ZNF638: variants seen among roughly 807,000 people sequenced by gnomAD.
The protein encoded by ZNF638 is CTCL tumor antigen se33-1.
ZNF638 carries 46 observed loss-of-function variants against 195.6 expected under a neutral mutation model. The observed-to-expected ratio is 0.24, with a 90% CI of 0.19 to 0.30. ZNF638 has a LOEUF of 0.30. Ranked by LOEUF, ZNF638 falls within the 10% of genes least tolerant of loss-of-function variation. The pLI is 1.00. For missense variants in ZNF638, 2,440 were observed against 2,325.3 expected, an observed-to-expected ratio of 1.05 and a Z score of -1.01; for synonymous variants, 845 against 772.0, an observed-to-expected ratio of 1.09 and a Z score of -1.57.
At position 71,383,762 on chromosome 2, in the gene ZNF638, C is replaced by CTTTTTTTTTTT. The variant is rs1181570876; in HGVS notation, c.2377+3206_2377+3216dup. Among the ~76,000 whole-genome samples, 410 of 76,694 alleles carry CTTTTTTTTTTT rather than the reference C, an allele frequency of 5.3e-3. 12 individuals are homozygous for CTTTTTTTTTTT. Among genetic ancestry groups the CTTTTTTTTTTT allele is most frequent in the African/African-American group, 0.01 (200 of 19,346 alleles). The allele number at this position is 76,694 out of a possible 152,430, so 50.3% of individuals were successfully genotyped here. A position where few individuals can be genotyped will look rare whatever the true frequency, so the allele number is the denominator to read the frequency against. On this transcript the variant is annotated intron_variant, in intron 10 of 27. Coordinates refer to ENST00000264447, the MANE Select transcript of ZNF638 (RefSeq NM_014497.5). ...AATTTTTCTTTTTTTTTTTCTTTTTCTTTTTTTTTTTTTTTTTTTAGTAGA... is the reference window on the plus strand; with the variant it reads ...AATTTTTCTTTTTTTTTTTCTTTTTCTTTTTTTTTTTTTTTTTTTTTTTTTTTTTTAGTAGA...
intron 1 of ZNF638, among the ~76,000 whole-genome samples, chr2:71,343,098 C>T (rs1444103624): frequency 5.3e-5 from 8 of 152,134 alleles, no homozygotes; most frequent in Non-Finnish European, 8.8e-5. Flanking sequence ...TGCCATCCTA[C>T]AAAACTCAAT....
rs374149646 is a variant in ZNF638, at chr2:71,404,620, G to A, written c.2958+622G>A. Reference sequence around the variant, plus strand: ...TGGTCCCAGCTCCTCAGGATGCTGAGGTAGGAGGATCCCTTGAGCCTAGGA... The same window carrying A: ...TGGTCCCAGCTCCTCAGGATGCTGAAGTAGGAGGATCCCTTGAGCCTAGGA... On this transcript the variant is annotated intron_variant, in intron 17 of 27. Transcript: ENST00000264447. Among the ~76,000 whole-genome samples, 6 of 152,172 alleles carry A rather than the reference G, an allele frequency of 3.9e-5. No homozygotes were observed. In the South Asian group the frequency reaches 8.3e-4, roughly 21 times the overall value.
intron 8 of ZNF638, 119 bp downstream of exon 8, chr2:71,370,124 A>G: frequency 9.3e-7 from 1 of 1,071,866 alleles, no homozygotes. Flanking sequence ...TCAACACATT[A>G]TATGTGCATT....
chr2:71,431,213 G>A (rs1405262079), intron 25 of ZNF638, 114 bp from the exon 26 acceptor site: 2 of 790,940 alleles, frequency 2.5e-6, no homozygotes, highest in South Asian at 1.8e-5. Flanking sequence ...GGCCAGATGG[G>A]ATTAACAAAG....
chr2:71,348,340 A>T (rs17006895), intron 1 of ZNF638: 186,590 of 910,934 alleles, frequency 0.2, 22,276 homozygotes, highest in African/African-American at 0.5. Flanking sequence ...TACAGTTCTT[A>T]CTTTCATTAT....
chr2:71,400,016 C>T (rs2079974502), intron 13 of ZNF638, 96 bp from the exon 14 acceptor site: 1 of 1,014,788 alleles, frequency 9.9e-7, no homozygotes, highest in African/African-American at 1.6e-5. Context: ...CCTAAGGAGA[C>T]TTGAAATGTC....
chr2:71,406,510 G>A (rs958107580), intron 19 of ZNF638, among the ~76,000 whole-genome samples: 8 of 146,452 alleles, frequency 5.5e-5, no homozygotes, highest in African/African-American at 2.0e-4. Context: ...GTAATATAGT[G>A]TAGACAGCAT....
At position 71,388,339 on chromosome 2, in the gene ZNF638, T is replaced by C. The variant is rs954232909; in HGVS notation, c.2377+7774T>C. 4 of 509,320 alleles carry C rather than the reference T, an allele frequency of 7.9e-6. No homozygotes were observed. The African/African-American group carries it at 8.5e-5, about 11-fold the overall frequency. The allele number at this position is 509,320 out of a possible 1,614,324, so 31.6% of individuals were successfully genotyped here. On this transcript the variant is annotated intron_variant, in intron 10 of 27. Coordinates refer to ENST00000264447, the MANE Select transcript of ZNF638 (RefSeq NM_014497.5). ...CGACCTTTGATCATCCGACCTTTGATCATCTGACCTTTGATCATCTGACCT... is the reference window on the plus strand; with the variant it reads ...CGACCTTTGATCATCCGACCTTTGACCATCTGACCTTTGATCATCTGACCT...
chr2:71,419,571 A>G (rs558361488), intron 21 of ZNF638, among the ~76,000 whole-genome samples: 7 of 152,226 alleles, frequency 4.6e-5, no homozygotes, highest in Non-Finnish European at 1.0e-4. Flanking sequence ...ATTAAGCAAT[A>G]GGTTTGCTCT....
At chr2:71,352,859 G>C (rs909087504) in intron 2 of ZNF638, among the ~76,000 whole-genome samples, 6 of 152,094 alleles carry the variant, frequency 3.9e-5, no homozygotes, top group African/African-American at 1.4e-4. Flanking sequence ...TAGGATAAAA[G>C]TAAAAATTTG....
At chr2:71,391,555 G>C (rs777920118) in intron 10 of ZNF638, among the ~76,000 whole-genome samples, 1 of 152,170 alleles carries the variant, frequency 6.6e-6, no homozygotes, top group Non-Finnish European at 1.5e-5. Context: ...ATATGCCTCT[G>C]TCGTTAAGAT....
At chr2:71,378,128 T>C (rs1384232313) in intron 8 of ZNF638, among the ~76,000 whole-genome samples, 1 of 152,202 alleles carries the variant, frequency 6.6e-6, no homozygotes, top group African/African-American at 2.4e-5. Flanking sequence ...CAGTTAAACA[T>C]AGACTAAAAT....
At chr2:71,392,740 G>A (rs2079808069) in intron 10 of ZNF638, among the ~76,000 whole-genome samples, 2 of 152,054 alleles carry the variant, frequency 1.3e-5, no homozygotes, top group Admixed American at 6.5e-5. Flanking sequence ...CCCAAAGACT[G>A]GGTAAACAAA....
rs186084331 is a variant in ZNF638, at chr2:71,377,808, A to G, written c.2266-2414A>G. On this transcript the variant is annotated intron_variant, in intron 8 of 27. Coordinates refer to ENST00000264447, the MANE Select transcript of ZNF638 (RefSeq NM_014497.5). ...TTAAATTCTGAGGATTTTAAATTTC[A>G]TGGTTATGGTGGGGCACCTTATAGT... is the stretch of plus-strand genomic sequence containing the variant. Among the ~76,000 whole-genome samples the G allele has an allele frequency of 1.7e-3, 263 of 152,372 alleles. 1 individual carries two copies. The highest frequency in any genetic ancestry group is 3.5e-3 in the Non-Finnish European group (236 of 68,030).
At chr2:71,363,093 T>C (rs2079136183) in intron 3 of ZNF638, 60 bp from the exon 4 acceptor site, 2 of 1,236,414 alleles carry the variant, frequency 1.6e-6, no homozygotes, top group Admixed American at 2.0e-5. Flanking sequence ...CAGGTAAAGA[T>C]TAATTGAGCC....
chr2:71,368,849 G>A lies in ZNF638; in HGVS notation c.2142+321G>A, dbSNP rs180891132. Among the ~76,000 whole-genome samples, 775 of 152,288 alleles carry A rather than the reference G, an allele frequency of 5.1e-3. 4 individuals are homozygous for A. The highest frequency in any genetic ancestry group is 0.018 in the African/African-American group (743 of 41,544). ...TATGTAAATGCGCAAGCATGGCTGT[G>A]TCCAAAAAACTATTTACAAAAATAG... On this transcript the variant is annotated intron_variant, in intron 7 of 27. Transcript: ENST00000264447.
chr2:71,373,169 C>T (rs572127559), intron 8 of ZNF638, among the ~76,000 whole-genome samples: 8 of 152,192 alleles, frequency 5.3e-5, no homozygotes, highest in Non-Finnish European at 1.0e-4. Context: ...TTTAAAAATT[C>T]GTTATATAGA....
intron 2 of ZNF638, among the ~76,000 whole-genome samples, chr2:71,352,496 A>AAAAAAAAT (rs2078959207): frequency 6.3e-4 from 1 of 1,582 alleles, no homozygotes; most frequent in South Asian, 9.4e-3. Flanking sequence ...TAAAAAAAAT[A>AAAAAAAAT]AAAAAAAAAA....
intron 11 of ZNF638, among the ~76,000 whole-genome samples, chr2:71,396,915 C>T (rs2079905282): frequency 6.6e-6 from 1 of 152,088 alleles, no homozygotes; most frequent in South Asian, 2.1e-4. Flanking sequence ...CCACTGCACT[C>T]CAGCCTAGGG....
Sources: gnomAD v4.1 joint callset for allele counts (sites outside exome capture counted in the v4.1 genomes callset) on GRCh38, gnomAD v4.1.1 for gene constraint, MANE v1.5 for transcripts, NCBI Gene and HGNC (gene_info 2026-07-23, HGNC 2026-07-21) for gene names.